The following BRD3 variants were observed in gnomAD, a reference collection of about 807,000 sequenced individuals.
BRD3 encodes the protein bromodomain-containing protein 3.
A neutral mutation model predicts 66.8 loss-of-function variants in BRD3; 17 were observed. The ratio of observed to expected loss-of-function variants is 0.25; its 90% confidence interval spans 0.17 to 0.38. The LOEUF is 0.38. Among genes scored for constraint, BRD3 ranks in the 10% least tolerant of loss-of-function variants. The pLI, the probability that BRD3 is intolerant of heterozygous loss-of-function variation, is 1.00. For missense variants in BRD3, 713 were observed against 956.1 expected (o/e 0.75, Z 3.35); for synonymous variants, 421 against 393.2 (o/e 1.07, Z -0.84).
chr9:134,036,400 C>T, intron 9 of BRD3, 76 bp from the exon 10 acceptor site: 1 of 1,571,462 alleles, frequency 6.4e-7, no homozygotes, highest in East Asian at 2.2e-5. Flanking sequence ...CACACCCCTT[C>T]CTCCCAACAG....
rs199947378 is a variant in BRD3, at chr9:134,040,286, G to A, written c.1408-17C>T. 118 of 1,584,310 alleles carry A rather than the reference G, an allele frequency of 7.4e-5. 1 individual carries two copies. Among genetic ancestry groups the A allele is most frequent in the South Asian group, 5.0e-4 (44 of 87,490 alleles). ...GGCCTTCAGCTGGAAAAGAGCGGGCGGCTGAGCAGGTGCTGGGCACGGCCC... is the reference window on the plus strand; with the variant it reads ...GGCCTTCAGCTGGAAAAGAGCGGGCAGCTGAGCAGGTGCTGGGCACGGCCC... On this transcript the variant is annotated splice_polypyrimidine_tract_variant and intron_variant, in intron 8 of 11. Coordinates refer to ENST00000303407, the MANE Select transcript of BRD3 (RefSeq NM_007371.4).
At chr9:134,039,568 C>T (rs1021487388) in intron 9 of BRD3, among the ~76,000 whole-genome samples, 3 of 152,228 alleles carry the variant, frequency 2.0e-5, no homozygotes, top group Non-Finnish European at 4.4e-5. Context: ...TCCCTACTAG[C>T]TCACACTGCT....
chr9:134,059,438 G>A (rs1029610114), intron 1 of BRD3, among the ~76,000 whole-genome samples: 15 of 152,222 alleles, frequency 9.9e-5, no homozygotes, highest in African/African-American at 3.4e-4. Context: ...GGAGTGACTC[G>A]GGCTGGAGGA....
At chr9:134,043,131 G>A (rs1486968985) in intron 7 of BRD3, among the ~76,000 whole-genome samples, 7 of 151,974 alleles carry the variant, frequency 4.6e-5, no homozygotes, top group East Asian at 1.9e-4. Flanking sequence ...GAGCCACCAC[G>A]CCCGGCCTAC....
intron 1 of BRD3, among the ~76,000 whole-genome samples, chr9:134,066,203 G>A (rs1268970079): frequency 6.6e-6 from 1 of 152,186 alleles, no homozygotes; most frequent in African/African-American, 2.4e-5. Context: ...GCCCTGCTGA[G>A]GCACCGGGCC....
At chr9:134,046,024 G>A (rs456205) in intron 6 of BRD3, among the ~76,000 whole-genome samples, 37,821 of 152,030 alleles carry the variant, frequency 0.25, 5,968 homozygotes, top group East Asian at 0.62. Flanking sequence ...CAACGGGGGC[G>A]TGTCGGCTGA....
chr9:134,040,211 T>G lies in BRD3; in HGVS notation c.1466A>C (p.Lys489Thr). The G allele has an allele frequency of 6.3e-7, 1 of 1,586,550 alleles. No individual in the cohort carries two copies. The highest frequency in any genetic ancestry group is 8.6e-7 in the Non-Finnish European group (1 of 1,166,714). Reference protein sequence around the residue: ...ALSQAPVNKPKKKKEKKEKEK... With the variant: ...ALSQAPVNKPTKKKEKKEKEK... ...CTTCTCCTTCTTCTCCTTCTTCTTC[T>G]TTGGTTTGTTTACTGGGGCCTGAGA... The change falls in exon 9 of 12, where the codon AAG becomes ACG. Residue 489 changes from lysine (K) to threonine (T), a missense_variant. Lys to Thr is a moderately conservative substitution (Grantham distance 78). This residue lies in a region of BRD3 where 418 missense variants were observed against 609.3 expected (regional missense o/e 0.69). Transcript: ENST00000303407.
chr9:134,030,894 C>T lies in BRD3; in HGVS notation c.*2696G>A, dbSNP rs1843502176. On this transcript the variant is annotated 3_prime_UTR_variant, in exon 12 of 12. Coordinates refer to ENST00000303407, the MANE Select transcript of BRD3 (RefSeq NM_007371.4). ...ACACACGACTTGTCACTACTCCTCT[C>T]CCCTTGAAAAAAGCATGTTAGAAGC... is the stretch of plus-strand genomic sequence containing the variant. The T allele has an allele frequency of 4.3e-6, 1 of 232,074 alleles. No individual in the cohort carries two copies. The highest frequency in any genetic ancestry group is 2.2e-5 in the African/African-American group (1 of 45,280). 14.4% of individuals were successfully genotyped at this position (232,074 alleles called of 1,614,324 possible).
At chr9:134,065,167 G>C (rs755414535) in intron 1 of BRD3, among the ~76,000 whole-genome samples, 4 of 152,218 alleles carry the variant, frequency 2.6e-5, no homozygotes, top group South Asian at 4.1e-4. Context: ...GCTCATGCCT[G>C]TAATCCCAGC....
intron 3 of BRD3, 141 bp downstream of exon 3, chr9:134,052,165 T>TTACA: frequency 9.3e-7 from 1 of 1,072,408 alleles, no homozygotes; most frequent in East Asian, 2.6e-5. Flanking sequence ...AGTGCTGGGA[T>TTACA]TACAGGTGTG....
At chr9:134,047,852 G>A (rs900576856) in intron 6 of BRD3, 5 of 523,210 alleles carry the variant, frequency 9.6e-6, no homozygotes, top group African/African-American at 3.9e-5. Flanking sequence ...GGTTCGATGG[G>A]AATAAACAAC....
chr9:134,041,689 C>A, intron 8 of BRD3, 71 bp downstream of exon 8: 1 of 1,533,560 alleles, frequency 6.5e-7, no homozygotes, highest in South Asian at 1.2e-5. Context: ...TGCAAAGGGA[C>A]GGACCTTGGG....
intron 10 of BRD3, 64 bp from the exon 11 acceptor site, chr9:134,034,893 C>T (rs1171967792): frequency 6.3e-7 from 1 of 1,599,108 alleles, no homozygotes; most frequent in Non-Finnish European, 8.5e-7. Flanking sequence ...GCCAGGGCTG[C>T]ATCCAGGTGG....
chr9:134,046,195 G>A (rs1259869242), intron 6 of BRD3, among the ~76,000 whole-genome samples: 1 of 152,256 alleles, frequency 6.6e-6, no homozygotes. Context: ...AGAGCTGGGA[G>A]GTGCAGGTGG....
intron 1 of BRD3, among the ~76,000 whole-genome samples, chr9:134,067,265 C>G (rs1830680341): frequency 6.6e-6 from 1 of 152,056 alleles, no homozygotes; most frequent in Non-Finnish European, 1.5e-5. Flanking sequence ...GTGCAATAAT[C>G]CGGCAACTCA....
At chr9:134,056,013 A>G (rs1830415589) in intron 1 of BRD3, 1 of 152,330 alleles carries the variant, frequency 6.6e-6, no homozygotes, top group African/African-American at 2.4e-5. Context: ...ACCGGAGTGC[A>G]TGCCTCGTCC....
chr9:134,052,703 C>CA (rs1244589390), intron 2 of BRD3, among the ~76,000 whole-genome samples: 1 of 152,222 alleles, frequency 6.6e-6, no homozygotes, highest in Non-Finnish European at 1.5e-5. Context: ...GACAGGTCTA[C>CA]ATACTGGAGA....
At chr9:134,062,780 G>A (rs905053248) in intron 1 of BRD3, among the ~76,000 whole-genome samples, 3 of 152,174 alleles carry the variant, frequency 2.0e-5, no homozygotes, top group East Asian at 1.9e-4. Context: ...CCACCGCCAC[G>A]TAGTCAGGGT....
At chr9:134,050,750 T>G (rs750998138) in intron 4 of BRD3, among the ~76,000 whole-genome samples, 162 bp from the exon 5 acceptor site, 2 of 151,968 alleles carry the variant, frequency 1.3e-5, no homozygotes, top group African/African-American at 4.8e-5. Context: ...TCCTGCATCT[T>G]GGGGGCAGGG....
Sources: allele counts gnomAD v4.1 joint callset (sites outside exome capture counted in the v4.1 genomes callset), GRCh38; gene constraint gnomAD v4.1.1; regional missense constraint gnomAD v4.1.1; transcripts MANE v1.5; gene names NCBI Gene and HGNC (gene_info 2026-07-23, HGNC 2026-07-21).